The following LPP variants were observed in gnomAD, a reference collection of about 807,000 sequenced individuals.
The protein encoded by LPP is lipoma-preferred partner.
A neutral mutation model predicts 60.4 loss-of-function variants in LPP; 38 were observed. The ratio of observed to expected loss-of-function variants is 0.63; its 90% CI spans 0.49 to 0.83. The LOEUF is 0.83. Among genes scored for constraint, LPP ranks in the 40% least tolerant of loss-of-function variants. The pLI is 0.00. For synonymous variants in LPP, 328 were observed against 290.8 expected (o/e 1.13, Z -1.30); for missense variants, 902 against 783.6 (o/e 1.15, Z -1.80).
In LPP at chr3:188,880,516, GA is replaced by G. The variant is rs1304028237; in HGVS notation, c.*6038del. Reference sequence around the variant, plus strand: ...TCTACAAACACCTACATATACTAGAGAGGGGTGAAACACTGCAGCTAATTCC... The same window carrying G: ...TCTACAAACACCTACATATACTAGAGGGGGTGAAACACTGCAGCTAATTCC... On this transcript the variant is annotated 3_prime_UTR_variant, in exon 12 of 12. Coordinates refer to ENST00000617246, the MANE Select transcript of LPP (RefSeq NM_001375462.1). 1.1e-5 allele frequency: 2 copies of G among 189,062 alleles called. No individual in the cohort carries two copies. Among genetic ancestry groups the G allele is most frequent in the Admixed American group, 1.2e-4 (2 of 16,148 alleles). The allele number at this position is 189,062 out of a possible 1,614,324, so 11.7% of individuals were successfully genotyped here.
intron 8 of LPP, chr3:188,708,623 C>T (rs1865953539): frequency 1.7e-6 from 1 of 573,718 alleles, no homozygotes; most frequent in East Asian, 2.8e-5. Context: ...TTAGAGTTTC[C>T]TTAGATACAA....
At chr3:188,429,470 G>A (rs181213934) in intron 4 of LPP, among the ~76,000 whole-genome samples, 8 of 152,190 alleles carry the variant, frequency 5.3e-5, no homozygotes, top group African/African-American at 1.9e-4. Context: ...GGCAATCTTA[G>A]GTTTGCATTG....
intron 4 of LPP, among the ~76,000 whole-genome samples, chr3:188,451,637 T>A (rs1435666041): frequency 6.6e-6 from 1 of 152,142 alleles, no homozygotes; most frequent in African/African-American, 2.4e-5. Flanking sequence ...CAAACTATCA[T>A]GAGTGCTACA....
chr3:188,375,287 A>C (rs981529961), intron 3 of LPP, among the ~76,000 whole-genome samples: 1 of 152,210 alleles, frequency 6.6e-6, no homozygotes, highest in African/African-American at 2.4e-5. Context: ...GAATGGTACC[A>C]GCTCCTCTTT....
chr3:188,713,248 G>A (rs73058728), intron 8 of LPP, among the ~76,000 whole-genome samples: 1,645 of 152,250 alleles, frequency 0.011, 41 homozygotes, highest in African/African-American at 0.038. Context: ...AGTAAAAAAT[G>A]CAGATGATGG....
At chr3:188,473,925 A>G (rs1802491554) in intron 4 of LPP, among the ~76,000 whole-genome samples, 1 of 152,192 alleles carries the variant, frequency 6.6e-6, no homozygotes, top group Admixed American at 6.5e-5. Flanking sequence ...CTATACTTTG[A>G]AGACATACCC....
chr3:188,725,611 A>C (rs1718094519), intron 8 of LPP: 1 of 152,190 alleles, frequency 6.6e-6, no homozygotes. Context: ...CTAGATAGGA[A>C]ATATATGTTG....
intron 3 of LPP, among the ~76,000 whole-genome samples, chr3:188,365,833 G>A (rs1261937555): frequency 6.6e-6 from 1 of 151,968 alleles, no homozygotes. Context: ...ACATTGCATT[G>A]TGAAATGATT....
chr3:188,753,580 C>CGTGCGTGTGT lies in LPP; in HGVS notation c.1241-6530_1241-6529insCGTGTGTGTG, dbSNP rs367698835. 5.3e-3 allele frequency among the ~76,000 whole-genome samples: 738 copies of CGTGCGTGTGT among 139,614 alleles called. 6 individuals carry two copies. Among genetic ancestry groups the CGTGCGTGTGT allele is most frequent in the African/African-American group, 0.019 (714 of 36,954 alleles). 91.6% of individuals were successfully genotyped at this position (139,614 alleles called of 152,430 possible). On this transcript the variant is annotated intron_variant, in intron 8 of 11. Coordinates refer to ENST00000617246, the MANE Select transcript of LPP (RefSeq NM_001375462.1). Reference sequence around the variant, plus strand: ...CCTTGGGGTTTTGGCTTGTTGTGTGCGTGTGTGTGTGTGTGTGTGTGTGTG... The same window carrying CGTGCGTGTGT: ...CCTTGGGGTTTTGGCTTGTTGTGTGCGTGCGTGTGTGTGTGTGTGTGTGTGTGTGTGTGTG...
intron 1 of LPP, among the ~76,000 whole-genome samples, chr3:188,184,685 C>CTTT (rs34173936): frequency 8.0e-6 from 1 of 124,688 alleles, no homozygotes; most frequent in African/African-American, 3.0e-5. Context: ...CTCCGGTAAA[C>CTTT]TTTTTTTTTT....
At chr3:188,244,933 A>ATC (rs1439781959) in intron 2 of LPP, among the ~76,000 whole-genome samples, 3 of 152,032 alleles carry the variant, frequency 2.0e-5, no homozygotes, top group African/African-American at 7.3e-5. Flanking sequence ...ATGATTTTGT[A>ATC]TCTCCTTACT....
chr3:188,266,242 C>A (rs1264276055), intron 2 of LPP, among the ~76,000 whole-genome samples: 1 of 152,132 alleles, frequency 6.6e-6, no homozygotes, highest in Non-Finnish European at 1.5e-5. Flanking sequence ...AGGTTCCAAG[C>A]ACATTAGTCA....
Position 188,380,376 on chromosome 3 carries a change from G to A in LPP, c.-9-25736G>A, listed in dbSNP as rs182655889. On this transcript the variant is annotated intron_variant, in intron 3 of 11. Transcript: ENST00000617246. ...ATTTTTGTCATATTATGAGAAAGAG[G>A]CCCTCTTCTGGGTCACATGTTTGCC... is the stretch of plus-strand genomic sequence containing the variant. 1.4e-3 allele frequency among the ~76,000 whole-genome samples: 217 copies of A among 152,346 alleles called. 1 individual carries two copies. Among genetic ancestry groups the A allele is most frequent in the Non-Finnish European group, 2.5e-3 (167 of 68,030 alleles).
intron 1 of LPP, among the ~76,000 whole-genome samples, chr3:188,218,601 C>A (rs952786708): frequency 3.3e-5 from 5 of 152,166 alleles, no homozygotes; most frequent in Non-Finnish European, 7.3e-5. Flanking sequence ...TGTTATTGCT[C>A]ATTCAAGTTT....
At chr3:188,425,928 G>A (rs1789197107) in intron 4 of LPP, among the ~76,000 whole-genome samples, 1 of 151,982 alleles carries the variant, frequency 6.6e-6, no homozygotes, top group Admixed American at 6.5e-5. Flanking sequence ...GTTTTGAAGG[G>A]TTTTTCTCAT....
intron 7 of LPP, among the ~76,000 whole-genome samples, chr3:188,673,810 G>A (rs1857429005): frequency 6.6e-6 from 1 of 152,044 alleles, no homozygotes; most frequent in East Asian, 1.9e-4. Context: ...AGAAAAATTG[G>A]AATATGAGCA....
chr3:188,266,569 A>C (rs1030870554), intron 2 of LPP, among the ~76,000 whole-genome samples: 1 of 151,894 alleles, frequency 6.6e-6, no homozygotes, highest in Admixed American at 6.6e-5. Flanking sequence ...AGAGAGAGAG[A>C]GAGAAAGGAA....
At chr3:188,658,975 T>C (rs1298479354) in intron 7 of LPP, among the ~76,000 whole-genome samples, 1 of 152,204 alleles carries the variant, frequency 6.6e-6, no homozygotes, top group Non-Finnish European at 1.5e-5. Flanking sequence ...GATGGAGTGA[T>C]TTGAAGATTT....
chr3:188,599,131 G>T (rs895047382), intron 6 of LPP, among the ~76,000 whole-genome samples: 1 of 152,058 alleles, frequency 6.6e-6, no homozygotes, highest in Non-Finnish European at 1.5e-5. Context: ...TGTACTGTAT[G>T]GGTATTTATA....
Sources: gnomAD v4.1 joint callset for allele counts (sites outside exome capture counted in the v4.1 genomes callset) on GRCh38, gnomAD v4.1.1 for gene constraint, MANE v1.5 for transcripts, NCBI Gene and HGNC (gene_info 2026-07-23, HGNC 2026-07-21) for gene names.